PACRG: variants seen among roughly 807,000 people sequenced by gnomAD.
PACRG encodes parkin coregulated.
In PACRG, 29 loss-of-function variants were observed where a neutral mutation model predicts 29.7. That is an observed-to-expected ratio of 0.98 (90% CI 0.73 to 1.33). The LOEUF (loss-of-function observed/expected upper bound fraction) is 1.33, where lower values mean the gene tolerates loss of function less well. Among genes scored for constraint, PACRG ranks in the 40% most tolerant of loss-of-function variants. The pLI, the probability that PACRG is intolerant of heterozygous loss-of-function variation, is 0.00. For synonymous variants in PACRG, 116 were observed against 118.7 expected (o/e 0.98, Z 0.15); for missense variants, 279 against 316.2 (o/e 0.88, Z 0.89).
At chr6:163,079,418 A>AAG (rs1554353618) in intron 3 of PACRG, among the ~76,000 whole-genome samples, 1 of 151,652 alleles carries the variant, frequency 6.6e-6, no homozygotes, top group Non-Finnish European at 1.5e-5. Flanking sequence ...AAAAAAAAAA[A>AAG]AAAGAAAGAA....
At chr6:163,097,710 A>G (rs1814726909) in intron 4 of PACRG, among the ~76,000 whole-genome samples, 2 of 152,300 alleles carry the variant, frequency 1.3e-5, no homozygotes, top group South Asian at 2.1e-4. Context: ...CTGATTGGCA[A>G]TTGGTTGAAA....
chr6:163,130,973 T>G (rs1816710726), intron 4 of PACRG, among the ~76,000 whole-genome samples: 1 of 152,034 alleles, frequency 6.6e-6, no homozygotes, highest in African/African-American at 2.4e-5. Context: ...TGGAGTCGAG[T>G]GTGTCCTAAT....
chr6:163,108,392 C>CTTTTTTTTTTTTTTTTTTTTTTTTT (rs528887997), intron 4 of PACRG, among the ~76,000 whole-genome samples: 2 of 90,510 alleles, frequency 2.2e-5, no homozygotes, highest in Non-Finnish European at 4.0e-5. Context: ...TTCTCTTTCC[C>CTTTTTTTTTTTTTTTTTTTTTTTTT]TTTTTTTTTT....
At position 163,003,633 on chromosome 6, in the gene PACRG, A is replaced by G. The variant is rs972814975; in HGVS notation, c.292-58517A>G. On this transcript the variant is annotated intron_variant, in intron 2 of 4. Coordinates refer to ENST00000366888, the MANE Select transcript of PACRG (RefSeq NM_001080379.2). ...TTTTAATTATTCTTAAACTCTTCCC[A>G]TCTTCTCCCCAGGAATTTTTTGGCT... is the stretch of plus-strand genomic sequence containing the variant. Among the ~76,000 whole-genome samples the G allele has an allele frequency of 8.5e-5, 13 of 152,160 alleles. No homozygotes were observed. In the East Asian group the frequency reaches 2.1e-3, roughly 25 times the overall value.
At chr6:162,933,624 T>C (rs1012353046) in intron 2 of PACRG, among the ~76,000 whole-genome samples, 3 of 121,500 alleles carry the variant, frequency 2.5e-5, no homozygotes, top group African/African-American at 5.9e-5. Flanking sequence ...TTTTTTTTTT[T>C]ACTTAAAGTC....
intron 2 of PACRG, among the ~76,000 whole-genome samples, chr6:163,022,895 G>A (rs371578061): frequency 3.9e-5 from 6 of 152,082 alleles, no homozygotes; most frequent in African/African-American, 1.4e-4. Context: ...AGCAATTTTT[G>A]TGAGTATCCC....
upstream of PACRG, chr6:162,727,532 A>T: frequency 3.9e-6 from 4 of 1,038,266 alleles, no homozygotes; most frequent in Non-Finnish European, 5.6e-6. Context: ...CGGGCCGGGG[A>T]CGGCACGGGC....
intron 2 of PACRG, among the ~76,000 whole-genome samples, chr6:163,019,288 G>GC (rs1434984729): frequency 6.6e-6 from 1 of 152,148 alleles, no homozygotes; most frequent in East Asian, 1.9e-4. Flanking sequence ...CTGGTTCACA[G>GC]CTCCAGAGCC....
intron 4 of PACRG, among the ~76,000 whole-genome samples, chr6:163,099,145 G>A (rs1814859574): frequency 1.3e-5 from 2 of 152,184 alleles, no homozygotes; most frequent in East Asian, 1.9e-4. Context: ...TGGTTTAAAC[G>A]CCTCTGATAC....
rs562364975 is a variant in PACRG at position 163,230,931 on chromosome 6, C to T, written c.614-83896C>T. Reference sequence around the variant, plus strand: ...GTGTCCCTGCCAGTAATTACAGCCTCGTGAAAGAAGCCTGCGGGACAGAAA... The same window carrying T: ...GTGTCCCTGCCAGTAATTACAGCCTTGTGAAAGAAGCCTGCGGGACAGAAA... On this transcript the variant is annotated intron_variant, in intron 4 of 4. Coordinates refer to ENST00000366888, the MANE Select transcript of PACRG (RefSeq NM_001080379.2). Among the ~76,000 whole-genome samples, 12 of 152,246 alleles carry T rather than the reference C, an allele frequency of 7.9e-5. No individual in the cohort carries two copies. The South Asian group carries it at 2.3e-3, about 29-fold the overall frequency.
intron 1 of PACRG, among the ~76,000 whole-genome samples, chr6:162,756,824 C>T (rs747282792): frequency 2.0e-4 from 30 of 152,158 alleles, no homozygotes; most frequent in African/African-American, 3.1e-4. Context: ...CTATTTGCTT[C>T]GTAGTCACCA....
chr6:162,962,124 C>A (rs1177788688), intron 2 of PACRG, among the ~76,000 whole-genome samples: 1 of 152,088 alleles, frequency 6.6e-6, no homozygotes, highest in Non-Finnish European at 1.5e-5. Context: ...CTTTTCTGGC[C>A]CTACCTCATT....
chr6:163,272,796 C>A (rs73601596), intron 4 of PACRG, among the ~76,000 whole-genome samples: 1 of 151,492 alleles, frequency 6.6e-6, no homozygotes, highest in Non-Finnish European at 1.5e-5. Flanking sequence ...ATATTTTTTA[C>A]TTATATCCTT....
chr6:163,009,134 C>T (rs1228264012), intron 2 of PACRG, among the ~76,000 whole-genome samples: 1 of 152,162 alleles, frequency 6.6e-6, no homozygotes, highest in Non-Finnish European at 1.5e-5. Context: ...GACCAATATA[C>T]TGGGTCCATG....
chr6:162,980,375 G>A (rs1040744355), intron 2 of PACRG, among the ~76,000 whole-genome samples: 1 of 152,072 alleles, frequency 6.6e-6, no homozygotes, highest in African/African-American at 2.4e-5. Flanking sequence ...CTTTTCAGTA[G>A]GGGCAGTTGA....
chr6:163,058,623 G>A (rs763040407), intron 2 of PACRG, among the ~76,000 whole-genome samples: 43 of 152,174 alleles, frequency 2.8e-4, no homozygotes, highest in Non-Finnish European at 4.7e-4. Context: ...AAGGCCAGGC[G>A]CTGTGGCTCA....
chr6:162,927,301 G>T (rs1797516402), intron 2 of PACRG, among the ~76,000 whole-genome samples: 1 of 151,816 alleles, frequency 6.6e-6, no homozygotes, highest in Non-Finnish European at 1.5e-5. Context: ...CCCATTGCTG[G>T]GTATATACCC....
intron 1 of PACRG, among the ~76,000 whole-genome samples, chr6:162,810,542 T>C (rs758068287): frequency 6.6e-6 from 1 of 152,152 alleles, no homozygotes; most frequent in Non-Finnish European, 1.5e-5. Context: ...CTTTTATGAA[T>C]ATTATGACAC....
intron 2 of PACRG, among the ~76,000 whole-genome samples, chr6:162,955,846 C>T (rs1443248728): frequency 3.3e-5 from 5 of 152,234 alleles, no homozygotes; most frequent in Admixed American, 6.5e-5. Flanking sequence ...AGGTCCTTTC[C>T]GTACTGCTTC....
Sources: allele counts gnomAD v4.1 joint callset (sites outside exome capture counted in the v4.1 genomes callset), GRCh38; gene constraint gnomAD v4.1.1; transcripts MANE v1.5; gene names NCBI Gene and HGNC (gene_info 2026-07-23, HGNC 2026-07-21).